The following GNG2 variants were observed in gnomAD, a reference collection of about 807,000 sequenced individuals.
The protein encoded by GNG2 is G protein subunit gamma 2.
Under a neutral mutation model 5.5 loss-of-function variants are expected in GNG2, and 5 were observed. That is an observed-to-expected ratio of 0.91 (90% confidence interval 0.48 to 1.92). The LOEUF (loss-of-function observed/expected upper bound fraction) is 1.92. GNG2 is among the 30% of genes most tolerant of loss of function. GNG2 has a pLI of 0.01. For synonymous variants in GNG2, 28 were observed against 32.0 expected, an observed-to-expected ratio of 0.88 and a Z score of 0.42; for missense variants, 55 against 88.4, an observed-to-expected ratio of 0.62 and a Z score of 1.52.
chr14:51,828,361 A>G (rs1361423557), intron 2 of GNG2, among the ~76,000 whole-genome samples: 2 of 152,202 alleles, frequency 1.3e-5, no homozygotes, highest in African/African-American at 4.8e-5. Context: ...CTGCCTGAAA[A>G]TGGTTCCAGG....
intron 1 of GNG2, among the ~76,000 whole-genome samples, chr14:51,873,327 G>A (rs185796856): frequency 2.6e-5 from 4 of 152,308 alleles, no homozygotes; most frequent in African/African-American, 9.6e-5. Context: ...TCATAATCAC[G>A]GTGCATGTTG....
chr14:51,939,290 C>T (rs186929785), intron 2 of GNG2, among the ~76,000 whole-genome samples: 5 of 152,128 alleles, frequency 3.3e-5, no homozygotes, highest in Non-Finnish European at 5.9e-5. Context: ...ATGGCCTATT[C>T]GTTTCATTTT....
In GNG2 at chr14:51,922,822, G is replaced by A. The variant is rs561799124; in HGVS notation, c.-29-27828G>A. Among the ~76,000 whole-genome samples the A allele has an allele frequency of 2.7e-4, 41 of 152,234 alleles. 2 individuals carry two copies. In the South Asian group the frequency reaches 7.9e-3, roughly 29 times the overall value. ...GCTGGTATGTGTTTCCTGAGCAGCCGGGGGTGGAAAGTCTCAATAGAGTCC... is the reference window on the plus strand; with the variant it reads ...GCTGGTATGTGTTTCCTGAGCAGCCAGGGGTGGAAAGTCTCAATAGAGTCC... On this transcript the variant is annotated intron_variant, in intron 2 of 3. Coordinates refer to ENST00000556766, the MANE Select transcript of GNG2 (RefSeq NM_053064.5).
At chr14:51,869,125 A>G (rs529992376) in intron 1 of GNG2, among the ~76,000 whole-genome samples, 2 of 152,364 alleles carry the variant, frequency 1.3e-5, no homozygotes, top group South Asian at 4.1e-4. Context: ...GAAGACTAAC[A>G]TATGTCAAGA....
At chr14:51,862,267 AAGTACTGCT>A (rs1882548186) in intron 1 of GNG2, among the ~76,000 whole-genome samples, 1 of 152,230 alleles carries the variant, frequency 6.6e-6, no homozygotes, top group Non-Finnish European at 1.5e-5. Context: ...CTAAGAGACA[AAGTACTGCT>A]AGTATTGAAA....
chr14:51,904,859 A>G (rs753997836), intron 2 of GNG2, among the ~76,000 whole-genome samples: 17 of 152,230 alleles, frequency 1.1e-4, no homozygotes, highest in Non-Finnish European at 2.2e-4. Context: ...CTTTGTGCCC[A>G]TTGATATATG....
chr14:51,910,619 C>G (rs1292914873), intron 2 of GNG2, among the ~76,000 whole-genome samples: 1 of 152,162 alleles, frequency 6.6e-6, no homozygotes, highest in African/African-American at 2.4e-5. Context: ...GCAAACACTG[C>G]TGTGCCCCAT....
intron 2 of GNG2, among the ~76,000 whole-genome samples, chr14:51,906,381 A>G (rs1306619523): frequency 6.6e-6 from 1 of 152,188 alleles, no homozygotes; most frequent in Non-Finnish European, 1.5e-5. Context: ...TGTAAATGTA[A>G]ATTTATTCCT....
Position 51,920,693 on chromosome 14 carries a change from T to G in GNG2, c.-29-29957T>G, listed in dbSNP as rs545145758. 3.8e-4 allele frequency among the ~76,000 whole-genome samples: 58 copies of G among 152,308 alleles called. 1 individual carries two copies. The highest frequency in any genetic ancestry group is 9.1e-4 in the African/African-American group (38 of 41,572). On this transcript the variant is annotated intron_variant, in intron 2 of 3. Transcript: ENST00000556766. ...TTTGAGCTCTTAGAATAATGTTCCT[T>G]GAATGGTTCTTATTCCCTCTTTCCA...
In GNG2 at chr14:51,941,168, AAGTG is replaced by A. The variant is rs558425636; in HGVS notation, c.-29-9477_-29-9474del. Among the ~76,000 whole-genome samples, 3 of 152,324 alleles carry A rather than the reference AAGTG, an allele frequency of 2.0e-5. No homozygotes were observed. In the South Asian group the frequency reaches 6.2e-4, roughly 32 times the overall value. Reference sequence around the variant, plus strand: ...AATAAATTAGAGTAAGGATCAAAAAAAGTGAGTGGCAAAAATGACCAAACTAAAC... The same window carrying A: ...AATAAATTAGAGTAAGGATCAAAAAAAGTGGCAAAAATGACCAAACTAAAC... On this transcript the variant is annotated intron_variant, in intron 2 of 3. Coordinates refer to ENST00000556766, the MANE Select transcript of GNG2 (RefSeq NM_053064.5).
chr14:51,856,395 A>G (rs542822382), upstream of GNG2, among the ~76,000 whole-genome samples: 3 of 152,278 alleles, frequency 2.0e-5, no homozygotes, highest in East Asian at 3.9e-4. Flanking sequence ...CTACAGAGAT[A>G]CAAATAAAGA....
chr14:51,891,521 C>T (rs1884853109), intron 2 of GNG2, among the ~76,000 whole-genome samples: 1 of 152,148 alleles, frequency 6.6e-6, no homozygotes, highest in Non-Finnish European at 1.5e-5. Flanking sequence ...CTTTTAAGTA[C>T]CACCTTTAAA....
At chr14:51,901,917 T>G (rs533176157) in intron 2 of GNG2, among the ~76,000 whole-genome samples, 9 of 126,364 alleles carry the variant, frequency 7.1e-5, no homozygotes, top group Non-Finnish European at 1.4e-4. Flanking sequence ...GGAGCATCAC[T>G]TAGCTAGGTG....
chr14:51,883,847 CTG>C (rs756158769), intron 2 of GNG2, among the ~76,000 whole-genome samples: 6 of 151,730 alleles, frequency 4.0e-5, no homozygotes, highest in Non-Finnish European at 5.9e-5. Context: ...ACACTATATA[CTG>C]TGTACTATAA....
At chr14:51,867,532 T>G (rs1242333093) in intron 1 of GNG2, among the ~76,000 whole-genome samples, 1 of 152,232 alleles carries the variant, frequency 6.6e-6, no homozygotes, top group Non-Finnish European at 1.5e-5. Context: ...GGAAGTTGCA[T>G]GGCTCCTTGC....
At chr14:51,965,146 C>T (rs1889822602) in intron 3 of GNG2, among the ~76,000 whole-genome samples, 1 of 152,182 alleles carries the variant, frequency 6.6e-6, no homozygotes, top group Non-Finnish European at 1.5e-5. Flanking sequence ...AAGCTTATGT[C>T]ACTGGGCAAG....
chr14:51,917,499 C>T (rs1176326167), intron 2 of GNG2: 1 of 437,944 alleles, frequency 2.3e-6, no homozygotes, highest in East Asian at 7.0e-5. Context: ...TTATTAAAAC[C>T]ATGTCTTTTT....
chr14:51,865,544 T>C (rs1882820282), intron 1 of GNG2, among the ~76,000 whole-genome samples: 1 of 152,160 alleles, frequency 6.6e-6, no homozygotes, highest in South Asian at 2.1e-4. Context: ...ACCTAGCCTA[T>C]ATTGACCTCT....
chr14:51,840,302 G>A (rs1383712531), intron 2 of GNG2, among the ~76,000 whole-genome samples: 1 of 152,154 alleles, frequency 6.6e-6, no homozygotes, highest in Non-Finnish European at 1.5e-5. Context: ...CCTGTACAGT[G>A]TCTGTTGCAT....
Sources: gnomAD v4.1 joint callset for allele counts (sites outside exome capture counted in the v4.1 genomes callset) on GRCh38, gnomAD v4.1.1 for gene constraint, MANE v1.5 for transcripts, NCBI Gene and HGNC (gene_info 2026-07-23, HGNC 2026-07-21) for gene names.